UBE2L3: variants seen among roughly 807,000 people sequenced by gnomAD.
UBE2L3 encodes the protein ubiquitin conjugating enzyme E2 L3, also known as ubiquitin-conjugating enzyme E2 L3.
Under a neutral mutation model 17.8 loss-of-function variants are expected in UBE2L3, and 1 was observed. That is an observed-to-expected ratio of 0.06 (90% confidence interval 0.02 to 0.27). The LOEUF (loss-of-function observed/expected upper bound fraction) is 0.27, where lower values mean the gene tolerates loss of function less well. Among genes scored for constraint, UBE2L3 ranks in the 10% least tolerant of loss-of-function variants. The probability of loss-of-function intolerance (pLI) is 1.00; values close to 1 mark genes in which losing one functional copy is unlikely to be tolerated. For synonymous variants in UBE2L3, 44 were observed against 68.5 expected (o/e 0.64, Z 1.76); for missense variants, 40 against 192.6 (o/e 0.21, Z 4.69).
chr22:21,572,231 G>A (rs1035134870), intron 1 of UBE2L3, among the ~76,000 whole-genome samples: 1 of 151,916 alleles, frequency 6.6e-6, no homozygotes, highest in Non-Finnish European at 1.5e-5. Context: ...TCAGGAGTTC[G>A]AGACCAGCCT....
chr22:21,567,794 G>T (rs765404348), intron 1 of UBE2L3, 23 bp downstream of exon 1: 4 of 1,574,134 alleles, frequency 2.5e-6, no homozygotes, highest in South Asian at 1.2e-5. Flanking sequence ...CTCTGGCAGC[G>T]GCCGGGCGTG....
At chr22:21,620,482 T>A (rs1024041682) in intron 3 of UBE2L3, among the ~76,000 whole-genome samples, 2 of 152,006 alleles carry the variant, frequency 1.3e-5, no homozygotes, top group Admixed American at 1.3e-4. Context: ...GGGCACTGTT[T>A]TACAGTGGGA....
chr22:21,564,148 A>C (rs2148394338), upstream of UBE2L3, among the ~76,000 whole-genome samples: 1 of 145,590 alleles, frequency 6.9e-6, no homozygotes, highest in South Asian at 2.2e-4. Context: ...TGATCCTCTC[A>C]CTTCAGCCTC....
At chr22:21,618,872 G>A (rs947499121) in intron 3 of UBE2L3, among the ~76,000 whole-genome samples, 1 of 152,140 alleles carries the variant, frequency 6.6e-6, no homozygotes, top group South Asian at 2.1e-4. Context: ...GAATACAGGT[G>A]TGAGCCACCA....
chr22:21,574,611 T>G (rs185930830), intron 1 of UBE2L3, among the ~76,000 whole-genome samples: 130 of 152,278 alleles, frequency 8.5e-4, no homozygotes, highest in East Asian at 3.9e-4. Context: ...CCTGTGGTAC[T>G]CTCTTATTCT....
intron 1 of UBE2L3, among the ~76,000 whole-genome samples, chr22:21,591,444 A>G (rs1172183309): frequency 1.3e-5 from 2 of 152,182 alleles, no homozygotes; most frequent in Non-Finnish European, 2.9e-5. Context: ...GTTGCCTGCT[A>G]TGAAGCACCA....
intron 2 of UBE2L3, among the ~76,000 whole-genome samples, chr22:21,599,831 G>T (rs1368040460): frequency 1.3e-5 from 2 of 152,116 alleles, no homozygotes; most frequent in Non-Finnish European, 2.9e-5. Flanking sequence ...TGTGAGTGCT[G>T]TATTTTTTCC....
chr22:21,590,587 A>G (rs1259459362), intron 1 of UBE2L3, among the ~76,000 whole-genome samples: 1 of 152,240 alleles, frequency 6.6e-6, no homozygotes, highest in Non-Finnish European at 1.5e-5. Flanking sequence ...TGTCCCATAA[A>G]TGTTAGATAT....
chr22:21,580,892 T>C (rs1011884224), intron 1 of UBE2L3, among the ~76,000 whole-genome samples: 1 of 151,606 alleles, frequency 6.6e-6, no homozygotes, highest in African/African-American at 2.4e-5. Flanking sequence ...GCCTCTTTTC[T>C]TCAAGAGACA....
rs1172506087 is a variant in UBE2L3 at position 21,623,278 on chromosome 22, C to T, written c.*1609C>T. 2 of 152,504 alleles carry T rather than the reference C, an allele frequency of 1.3e-5. No homozygotes were observed. Among genetic ancestry groups the T allele is most frequent in the Non-Finnish European group, 1.5e-5 (1 of 68,066 alleles). 9.4% of individuals were successfully genotyped at this position (152,504 alleles called of 1,614,324 possible). The stretch of plus-strand genomic sequence containing the variant: ...GTTCGGCAGCCTAACATTGTTCAGG[C>T]GCATGGCCCCTGCGGTGTGTACACG... On this transcript the variant is annotated 3_prime_UTR_variant, in exon 4 of 4. Coordinates refer to ENST00000342192, the MANE Select transcript of UBE2L3 (RefSeq NM_003347.4).
At chr22:21,616,234 G>C (rs1929763611) in intron 3 of UBE2L3, among the ~76,000 whole-genome samples, 1 of 152,110 alleles carries the variant, frequency 6.6e-6, no homozygotes, top group Non-Finnish European at 1.5e-5. Flanking sequence ...ATAAAATTCA[G>C]CTGTATATGG....
At chr22:21,561,636 T>C (rs1454774358) in intron 1 of UBE2L3, among the ~76,000 whole-genome samples, 8 of 151,626 alleles carry the variant, frequency 5.3e-5, no homozygotes, top group Admixed American at 3.9e-4. Flanking sequence ...TAAGGGAGCA[T>C]GATAAATTGA....
chr22:21,577,743 T>G (rs932738003), intron 1 of UBE2L3, among the ~76,000 whole-genome samples: 2 of 152,230 alleles, frequency 1.3e-5, no homozygotes, highest in African/African-American at 4.8e-5. Flanking sequence ...TTTTAACACT[T>G]CCAGGGCTGT....
chr22:21,600,253 C>T (rs1340828798), intron 2 of UBE2L3, among the ~76,000 whole-genome samples: 6 of 152,034 alleles, frequency 3.9e-5, no homozygotes, highest in Admixed American at 2.0e-4. Flanking sequence ...GTGGAGGTTG[C>T]GGTGAGCTGA....
At chr22:21,603,125 C>G (rs5754318) in intron 2 of UBE2L3, among the ~76,000 whole-genome samples, 3 of 152,120 alleles carry the variant, frequency 2.0e-5, no homozygotes, top group East Asian at 1.9e-4. Context: ...ATGATCAACT[C>G]TTATTTACAT....
At chr22:21,602,723 G>A (rs1219966965) in intron 2 of UBE2L3, among the ~76,000 whole-genome samples, 1 of 152,218 alleles carries the variant, frequency 6.6e-6, no homozygotes, top group Non-Finnish European at 1.5e-5. Context: ...AGCTGTGAAG[G>A]ATCTGAGATT....
At chr22:21,609,970 G>T (rs1929391571) in intron 2 of UBE2L3, among the ~76,000 whole-genome samples, 1 of 152,172 alleles carries the variant, frequency 6.6e-6, no homozygotes, top group African/African-American at 2.4e-5. Flanking sequence ...AGGTTGCGGT[G>T]AGCCAAGATC....
intron 1 of UBE2L3, among the ~76,000 whole-genome samples, chr22:21,574,275 A>G (rs896932903): frequency 1.3e-5 from 2 of 152,180 alleles, no homozygotes; most frequent in East Asian, 1.9e-4. Context: ...TGGAGTTTCA[A>G]TCCTGGGCCT....
chr22:21,590,546 G>T (rs1467257484), intron 1 of UBE2L3, among the ~76,000 whole-genome samples: 1 of 152,198 alleles, frequency 6.6e-6, no homozygotes, highest in African/African-American at 2.4e-5. Context: ...AAACCATAAA[G>T]TATATTTACA....
Sources: gnomAD v4.1 joint callset for allele counts (sites outside exome capture counted in the v4.1 genomes callset) on GRCh38, gnomAD v4.1.1 for gene constraint, MANE v1.5 for transcripts, NCBI Gene and HGNC (gene_info 2026-07-23, HGNC 2026-07-21) for gene names.